Variants in RASAL2 observed in about 807,000 individuals in gnomAD.
The protein encoded by RASAL2 is ras GTPase-activating protein nGAP.
RASAL2 carries 58 observed loss-of-function variants against 128.9 expected under a neutral mutation model. The observed-to-expected ratio is 0.45, with a 90% CI of 0.36 to 0.56. The LOEUF (loss-of-function observed/expected upper bound fraction) is 0.56, where lower values mean the gene tolerates loss of function less well. Ranked by LOEUF, RASAL2 falls within the 20% of genes least tolerant of loss-of-function variation. RASAL2 has a pLI of 0.00. For synonymous variants in RASAL2, 561 were observed against 580.8 expected (o/e 0.97, Z 0.49); for missense variants, 1,360 against 1,601.6 (o/e 0.85, Z 2.57).
chr1:178,199,439 G>A (rs182438646), intron 1 of RASAL2, among the ~76,000 whole-genome samples: 4 of 152,212 alleles, frequency 2.6e-5, no homozygotes, highest in African/African-American at 4.8e-5. Flanking sequence ...ATCTTGGAAC[G>A]GACACCCCGA....
chr1:178,463,727 G>T (rs1647347137), intron 14 of RASAL2, among the ~76,000 whole-genome samples: 1 of 152,032 alleles, frequency 6.6e-6, no homozygotes, highest in Non-Finnish European at 1.5e-5. Flanking sequence ...TGCAGGTTTT[G>T]CCATTTAACC....
At chr1:178,171,173 A>G (rs568185892) in intron 1 of RASAL2, among the ~76,000 whole-genome samples, 1 of 151,988 alleles carries the variant, frequency 6.6e-6, no homozygotes, top group East Asian at 1.9e-4. Context: ...AGTAATTTCT[A>G]CTCCTTAAGA....
At chr1:178,132,766 ATTT>A (rs35326037) in intron 1 of RASAL2, among the ~76,000 whole-genome samples, 5 of 130,058 alleles carry the variant, frequency 3.8e-5, no homozygotes, top group Non-Finnish European at 4.8e-5. Context: ...ACAATTCAGA[ATTT>A]TTTTTTTTTT....
intron 1 of RASAL2, among the ~76,000 whole-genome samples, chr1:178,128,311 A>T (rs1033809346): frequency 1.3e-5 from 2 of 152,110 alleles, no homozygotes; most frequent in African/African-American, 4.8e-5. Flanking sequence ...AACTCTGGTC[A>T]TGCCATTTAT....
chr1:178,436,382 T>C (rs772383786), intron 5 of RASAL2, among the ~76,000 whole-genome samples: 10 of 152,140 alleles, frequency 6.6e-5, no homozygotes, highest in Non-Finnish European at 1.2e-4. Context: ...AGGAAGAGTT[T>C]GGAGTTATAA....
intron 1 of RASAL2, among the ~76,000 whole-genome samples, chr1:178,202,906 C>G (rs1043825472): frequency 3.3e-5 from 5 of 152,190 alleles, no homozygotes; most frequent in Non-Finnish European, 7.3e-5. Flanking sequence ...TATGCATGGG[C>G]TCAGCAACAT....
At chr1:178,210,843 G>A (rs985992872) in intron 1 of RASAL2, among the ~76,000 whole-genome samples, 1 of 152,172 alleles carries the variant, frequency 6.6e-6, no homozygotes, top group Non-Finnish European at 1.5e-5. Context: ...CAAACACCAA[G>A]GGCTCTAGTA....
At chr1:178,232,133 T>C (rs923703393) in intron 1 of RASAL2, among the ~76,000 whole-genome samples, 2 of 152,186 alleles carry the variant, frequency 1.3e-5, no homozygotes, top group Admixed American at 1.3e-4. Context: ...AGAGTGACTT[T>C]GATTGCACTG....
intron 1 of RASAL2, among the ~76,000 whole-genome samples, chr1:178,122,878 A>C (rs1455420599): frequency 2.0e-5 from 3 of 151,172 alleles, no homozygotes; most frequent in African/African-American, 7.3e-5. Flanking sequence ...GGATGATTTT[A>C]ATTGTATAGT....
intron 1 of RASAL2, among the ~76,000 whole-genome samples, chr1:178,201,962 G>A (rs1424166519): frequency 2.6e-5 from 4 of 152,142 alleles, no homozygotes; most frequent in Non-Finnish European, 5.9e-5. Context: ...GACAATTTAT[G>A]TGTAAATCTT....
chr1:178,337,600 A>G (rs1425873178), intron 3 of RASAL2, among the ~76,000 whole-genome samples: 1 of 152,172 alleles, frequency 6.6e-6, no homozygotes, highest in Non-Finnish European at 1.5e-5. Flanking sequence ...GAGCCAGCAC[A>G]CTTACAGCCT....
intron 1 of RASAL2, among the ~76,000 whole-genome samples, chr1:178,095,809 A>G (rs566022104): frequency 4.0e-4 from 61 of 152,290 alleles, no homozygotes; most frequent in South Asian, 1.2e-3. Context: ...TCTCAGTTCT[A>G]CCACTAAATG....
intron 5 of RASAL2, 108 bp downstream of exon 5, chr1:178,420,728 T>C (rs1675092097): frequency 2.4e-6 from 2 of 822,376 alleles, no homozygotes; most frequent in African/African-American, 3.5e-5. Context: ...AAAAATACAA[T>C]AAAAAATTGA....
intron 3 of RASAL2, among the ~76,000 whole-genome samples, chr1:178,356,028 G>T (rs1187002524): frequency 2.0e-5 from 3 of 152,012 alleles, no homozygotes; most frequent in African/African-American, 7.3e-5. Flanking sequence ...AAATTAGCCG[G>T]GATGGTGGCG....
At chr1:178,282,671 G>A (rs1055862664) in intron 1 of RASAL2, among the ~76,000 whole-genome samples, 6 of 152,038 alleles carry the variant, frequency 3.9e-5, no homozygotes, top group Non-Finnish European at 7.4e-5. Context: ...TTTTACTTTA[G>A]CATAATAACT....
At chr1:178,432,746 A>G (rs1324736752) in intron 5 of RASAL2, among the ~76,000 whole-genome samples, 2 of 151,950 alleles carry the variant, frequency 1.3e-5, no homozygotes, top group East Asian at 1.9e-4. Flanking sequence ...ATCAAAGCCT[A>G]TTTACCTCCT....
intron 5 of RASAL2, among the ~76,000 whole-genome samples, chr1:178,425,622 C>G (rs189665155): frequency 5.3e-5 from 8 of 151,958 alleles, no homozygotes; most frequent in Admixed American, 4.6e-4. Flanking sequence ...CAGTCCTGTT[C>G]AAGTCTGCCA....
chr1:178,370,308 T>A (rs1011076375), intron 3 of RASAL2, among the ~76,000 whole-genome samples: 2 of 152,110 alleles, frequency 1.3e-5, no homozygotes. Flanking sequence ...CCAGGAAGTT[T>A]GAGTGTAATC....
intron 1 of RASAL2, among the ~76,000 whole-genome samples, chr1:178,168,119 A>G (rs927899661): frequency 2.7e-4 from 41 of 152,228 alleles, no homozygotes; most frequent in African/African-American, 8.9e-4. Context: ...AAATTCCTTT[A>G]GCACCCACCT....
Sources: gnomAD v4.1 joint callset for allele counts (sites outside exome capture counted in the v4.1 genomes callset) on GRCh38, gnomAD v4.1.1 for gene constraint, MANE v1.5 for transcripts, NCBI Gene and HGNC (gene_info 2026-07-23, HGNC 2026-07-21) for gene names.